Variants in SRRM2 observed in about 807,000 individuals in gnomAD.
SRRM2 encodes the protein serine/arginine repetitive matrix protein 2.
Under a neutral mutation model 213.8 loss-of-function variants are expected in SRRM2, and 30 were observed. The ratio of observed to expected loss-of-function variants is 0.14; its 90% CI spans 0.10 to 0.19. The LOEUF is 0.19. Among genes scored for constraint, SRRM2 ranks in the 10% least tolerant of loss-of-function variants. The pLI is 1.00. For missense variants in SRRM2, 4,904 were observed against 3,647.0 expected (o/e 1.34, Z -8.88); for synonymous variants, 2,025 against 1,377.7 (o/e 1.47, Z -10.40).
chr16:2,765,003 C>T lies in SRRM2; in HGVS notation c.4475C>T (p.Thr1492Ile). Residue 1492 changes from threonine (T) to isoleucine (I), a missense_variant, in exon 11 of 15, where the codon ACT becomes ATT. Transcript: ENST00000301740. ...CCAGAACCGAAAGCTTTGCCTCAGA[C>T]TCCTAGGCCGAGGAGTCGTTCTCCA... Reference protein sequence around the residue: ...SSPEPKALPQTPRPRSRSPSS... With the variant: ...SSPEPKALPQIPRPRSRSPSS... 1 of 1,614,062 alleles carries T rather than the reference C, an allele frequency of 6.2e-7. No homozygotes were observed. The highest frequency in any genetic ancestry group is 1.1e-5 in the South Asian group (1 of 91,088).
rs2878353 is a variant in SRRM2 at position 2,757,377 on chromosome 16, G to A, written c.243-95G>A. 6,922 of 1,070,906 alleles carry A rather than the reference G, an allele frequency of 6.5e-3. 332 individuals carry two copies. In the African/African-American group the frequency reaches 0.093, roughly 14 times the overall value. The allele number at this position is 1,070,906 out of a possible 1,614,324, so 66.3% of individuals were successfully genotyped here. A position where few individuals can be genotyped will look rare whatever the true frequency, so the allele number is the denominator to read the frequency against. Reference sequence around the variant, plus strand: ...GCGAAAAGTTCTGTGTGCGCATGGAGAGGGAGGGGCCCCTTTTGGGAATGA... The same window carrying A: ...GCGAAAAGTTCTGTGTGCGCATGGAAAGGGAGGGGCCCCTTTTGGGAATGA... On this transcript the variant is annotated intron_variant, in intron 2 of 14. Transcript: ENST00000301740.
chr16:2,764,138 G>A lies in SRRM2; in HGVS notation c.3610G>A (p.Asp1204Asn), dbSNP rs2068458550. 1.2e-6 allele frequency: 2 copies of A among 1,614,148 alleles called. No individual in the cohort carries two copies. Among genetic ancestry groups the A allele is most frequent in the African/African-American group, 1.3e-5 (1 of 75,032 alleles). ...GCCTGAGTCTTCACTGGTATTCAAA[G>A]ACACACTTAGAACCCCGCCAAGGGA... is the stretch of plus-strand genomic sequence containing the variant. ...DRPESSLVFK[D>N]TLRTPPRERS... Residue 1204 changes from aspartate to asparagine, a missense_variant, in exon 11 of 15, where the codon GAC (aspartate) becomes AAC (asparagine). Transcript: ENST00000301740.
chr16:2,770,495 GCCT>G (rs753099676), intron 13 of SRRM2, 30 bp downstream of exon 13: 1 of 1,582,016 alleles, frequency 6.3e-7, no homozygotes, highest in Non-Finnish European at 8.6e-7. Flanking sequence ...TCAGCACCCA[GCCT>G]GTCTGGCCGC....
At position 2,757,752 on chromosome 16, in the gene SRRM2, C is replaced by A. The variant is rs777751698; in HGVS notation, c.351-29C>A. ...AATATGGCTCTGTCCTTTATATTTC[C>A]TTCAGACTTTTGCCCTTCTTTTCTC... On this transcript the variant is annotated intron_variant, in intron 3 of 14. Coordinates refer to ENST00000301740, the MANE Select transcript of SRRM2 (RefSeq NM_016333.4). 5.0e-6 allele frequency: 8 copies of A among 1,610,842 alleles called. No individual in the cohort carries two copies. The Admixed American group carries it at 8.4e-5, about 17-fold the overall frequency.
In SRRM2 at chr16:2,765,870, AAAC is replaced by A. The variant is rs1269924504; in HGVS notation, c.5345_5347del (p.Thr1782del). ...TCCCGTTCCCGCTCAAGGAGAGAGAAAACAAGAACAACCCGACGTCGAGATAGG... is the reference window on the plus strand; with the variant it reads ...TCCCGTTCCCGCTCAAGGAGAGAGAAAAGAACAACCCGACGTCGAGATAGG... On this transcript the variant is annotated inframe_deletion, in exon 11 of 15. Transcript: ENST00000301740. 4 of 1,614,142 alleles carry A rather than the reference AAAC, an allele frequency of 2.5e-6. No individual in the cohort carries two copies. Among genetic ancestry groups the A allele is most frequent in the Non-Finnish European group, 3.4e-6 (4 of 1,180,026 alleles).
intron 12 of SRRM2, 42 bp from the exon 13 acceptor site, chr16:2,770,310 T>C (rs2150781626): frequency 6.5e-7 from 1 of 1,527,822 alleles, no homozygotes; most frequent in East Asian, 2.5e-5. Context: ...GCCCGTGTGC[T>C]TGAAAGGGTG....
At chr16:2,759,508 G>C in intron 8 of SRRM2, 61 bp from the exon 9 acceptor site, 1 of 1,603,884 alleles carries the variant, frequency 6.2e-7, no homozygotes, top group African/African-American at 1.3e-5. Context: ...TGAGGGATAC[G>C]TGAGGAGAAT....
At chr16:2,761,212 C>T (rs1239415321) in intron 10 of SRRM2, among the ~76,000 whole-genome samples, 2 of 152,174 alleles carry the variant, frequency 1.3e-5, no homozygotes, top group African/African-American at 2.4e-5. Flanking sequence ...TAGAGTTATT[C>T]TTCAAAGGTG....
chr16:2,760,811 CTT>C (rs1216561770), intron 10 of SRRM2: 3 of 260,664 alleles, frequency 1.2e-5, no homozygotes, highest in African/African-American at 4.4e-5. Context: ...AGTTTCTTCT[CTT>C]TTTTCATTAA....
rs1468453492 is a variant in SRRM2, at chr16:2,756,317, TC to T, written c.-31-13del. ...TGGGGCCAGGGGCCTGACCCGTGTC[TC>T]CCCGCTCCCCCTCAGGAGCGGTGGT... On this transcript the variant is annotated splice_polypyrimidine_tract_variant and intron_variant, in intron 1 of 14. Coordinates refer to ENST00000301740, the MANE Select transcript of SRRM2 (RefSeq NM_016333.4). 3 of 1,530,526 alleles carry T rather than the reference TC, an allele frequency of 2.0e-6. No homozygotes were observed. The highest frequency in any genetic ancestry group is 2.0e-5 in the Admixed American group (1 of 49,538). The allele number at this position is 1,530,526 out of a possible 1,614,324, so 94.8% of individuals were successfully genotyped here.
At position 2,765,668 on chromosome 16, in the gene SRRM2, C is replaced by A; in HGVS notation, c.5140C>A (p.Pro1714Thr). ...TAGAAGCCGCTCTGCCTCATCCTCACCAGAAACTCGCTCTAGAACTCCCCC... is the reference window on the plus strand; with the variant it reads ...TAGAAGCCGCTCTGCCTCATCCTCAACAGAAACTCGCTCTAGAACTCCCCC... ...SRRSRSASSS[P>T]ETRSRTPPRH... The change falls in exon 11 of 15, where the codon CCA becomes ACA. Residue 1714 changes from proline to threonine, a missense_variant. Coordinates refer to ENST00000301740, the MANE Select transcript of SRRM2 (RefSeq NM_016333.4). 6.2e-7 allele frequency: 1 copy of A among 1,614,146 alleles called. No individual in the cohort carries two copies. The highest frequency in any genetic ancestry group is 8.5e-7 in the Non-Finnish European group (1 of 1,180,008).
At position 2,760,421 on chromosome 16, in the gene SRRM2, A is replaced by C. The variant is rs756842301; in HGVS notation, c.954A>C (p.Thr318=). The C allele has an allele frequency of 1.2e-6, 2 of 1,614,078 alleles. No homozygotes were observed. The highest frequency in any genetic ancestry group is 1.3e-5 in the African/African-American group (1 of 74,916). Residue 318 remains threonine, a synonymous_variant, in exon 10 of 15, where the codon ACA becomes ACC. Transcript: ENST00000301740. ...TCAGTGAACCAGGTACTACCAGCAC[A>C]CAACGGCCTAGTAGCCCGGAGACTG... The part of the protein sequence containing the change: ...APFSEPGTTS[T]QRPSSPETAT...
chr16:2,768,888 AGC>A, intron 11 of SRRM2, 107 bp from the exon 12 acceptor site: 1 of 1,553,570 alleles, frequency 6.4e-7, no homozygotes. Flanking sequence ...GAGAGCTCCC[AGC>A]GCCTTTCTCA....
Position 2,767,607 on chromosome 16 carries a change from C to T in SRRM2, c.7079C>T (p.Ala2360Val). ...ATTGCCGGCTCCAGAACCGCCGCAG[C>T]CTTGGCCCCCGCGAGCCTCACCAGT... ...VNIAGSRTAA[A>V]LAPASLTSAR... The change falls in exon 11 of 15, where the codon GCC (alanine) becomes GTC (valine). Residue 2360 changes from alanine to valine, a missense_variant. Transcript: ENST00000301740. The T allele has an allele frequency of 1.2e-6, 2 of 1,614,218 alleles. No individual in the cohort carries two copies. The highest frequency in any genetic ancestry group is 1.7e-6 in the Non-Finnish European group (2 of 1,180,038).
intron 13 of SRRM2, 26 bp downstream of exon 13, chr16:2,770,491 C>T: frequency 1.3e-6 from 2 of 1,587,540 alleles, no homozygotes; most frequent in Non-Finnish European, 1.7e-6. Flanking sequence ...GGTGTCAGCA[C>T]CCAGCCTGTC....
Position 2,764,586 on chromosome 16 carries a change from A to C in SRRM2, c.4058A>C (p.Glu1353Ala), listed in dbSNP as rs1301808378. The change falls in exon 11 of 15, where the codon GAA (glutamate) becomes GCA (alanine). Residue 1353 changes from glutamate to alanine, a missense_variant. Coordinates refer to ENST00000301740, the MANE Select transcript of SRRM2 (RefSeq NM_016333.4). ...ACTGGATTTTCTTCTGAGGTTAAAG[A>C]AGATTTGAATGGACCGTTTCTTAAT... ...MNTGFSSEVKEDLNGPFLNQL... is the reference protein window; with the variant it reads ...MNTGFSSEVKADLNGPFLNQL... 6.2e-7 allele frequency: 1 copy of C among 1,614,140 alleles called. No individual in the cohort carries two copies. Among genetic ancestry groups the C allele is most frequent in the African/African-American group, 1.3e-5 (1 of 74,942 alleles).
rs771723234 is a variant in SRRM2 at position 2,766,706 on chromosome 16, C to G, written c.6178C>G (p.Arg2060Gly). 1.5e-5 allele frequency: 25 copies of G among 1,614,114 alleles called. No homozygotes were observed. Among genetic ancestry groups the G allele is most frequent in the Non-Finnish European group, 1.9e-5 (23 of 1,180,052 alleles). Residue 2060 changes from arginine to glycine, a missense_variant, in exon 11 of 15, where the codon CGA becomes GGA. Coordinates refer to ENST00000301740, the MANE Select transcript of SRRM2 (RefSeq NM_016333.4). The surrounding 1 kb of genome is among the most constrained non-coding windows in gnomAD (Gnocchi z 7.0). ...IRRRSRSRTP[R>G]TARGKRSLTR... ...CCGCCGCTCCAGATCCCGTACTCCA[C>G]GAACAGCTCGGGGTAAACGGTCCTT...
At chr16:2,753,810 T>C (rs1345309089) in intron 1 of SRRM2, among the ~76,000 whole-genome samples, 2 of 152,152 alleles carry the variant, frequency 1.3e-5, no homozygotes, top group African/African-American at 2.4e-5. Flanking sequence ...CTTTCTGGGT[T>C]CTTTGTGTCC....
intron 3 of SRRM2, 31 bp downstream of exon 3, chr16:2,757,610 G>C: frequency 6.3e-7 from 1 of 1,598,962 alleles, no homozygotes; most frequent in Non-Finnish European, 8.5e-7. Context: ...CGATGACTCT[G>C]GACTCTACTC....
Sources: gnomAD v4.1 joint callset for allele counts (sites outside exome capture counted in the v4.1 genomes callset) on GRCh38, gnomAD v4.1.1 for gene constraint, Gnocchi (gnomAD v3.1) non-coding constraint, MANE v1.5 for transcripts, NCBI Gene and HGNC (gene_info 2026-07-23, HGNC 2026-07-21) for gene names.